The following NOTCH2 variants were observed in gnomAD, a reference collection of about 807,000 sequenced individuals.
NOTCH2 encodes the protein neurogenic locus notch homolog protein 2.
Under a neutral mutation model 235.8 loss-of-function variants are expected in NOTCH2, and 29 were observed. The observed-to-expected ratio is 0.12, with a 90% CI of 0.09 to 0.17. The LOEUF (loss-of-function observed/expected upper bound fraction) is 0.17. Among genes scored for constraint, NOTCH2 ranks in the 10% least tolerant of loss-of-function variants. The pLI is 1.00. For synonymous variants in NOTCH2, 1,086 were observed against 1,141.5 expected, an observed-to-expected ratio of 0.95 and a Z score of 0.98; for missense variants, 2,285 against 3,150.2, an observed-to-expected ratio of 0.73 and a Z score of 6.57.
At position 119,915,651 on chromosome 1, in the gene NOTCH2, C is replaced by T. The variant is rs2101141972; in HGVS notation, c.7071G>A (p.Met2357Ile). ...RLPSVAFPTA[M>I]MPQQDGQVAQ... The stretch of plus-strand genomic sequence containing the variant: ...CTACCTGCCCGTCCTGCTGGGGCAT[C>T]ATGGCAGTGGGGAAAGCCACACTGG... Residue 2357 changes from methionine (M) to isoleucine (I), a missense_variant, in exon 34 of 34, where the codon ATG becomes ATA. By Grantham distance (10) the Met-to-Ile change is conservative (BLOSUM62 1). Transcript: ENST00000256646. 1 of 1,614,030 alleles carries T rather than the reference C, an allele frequency of 6.2e-7. No individual in the cohort carries two copies. The highest frequency in any genetic ancestry group is 8.5e-7 in the Non-Finnish European group (1 of 1,179,986).
At chr1:120,005,294 G>A (rs782030340) in intron 3 of NOTCH2, 35 bp downstream of exon 3, 3 of 1,613,988 alleles carry the variant, frequency 1.9e-6, no homozygotes, top group Middle Eastern at 1.7e-4. Context: ...ATCTGCTGAA[G>A]GTAGGAAACC....
intron 22 of NOTCH2, among the ~76,000 whole-genome samples, chr1:119,933,751 T>C (rs1553195438): frequency 6.6e-6 from 1 of 152,266 alleles, no homozygotes; most frequent in African/African-American, 2.4e-5. Flanking sequence ...ATTCTAGGAC[T>C]GGACATGTCT....
chr1:119,973,270 G>C lies in NOTCH2; in HGVS notation c.875-3526C>G, dbSNP rs1264586053. On this transcript the variant is annotated intron_variant, in intron 5 of 33. Transcript: ENST00000256646. ...TCTCCCTATTAAAATTCTATCAACT[G>C]GTTCTAAAATTCAGAATAGGAAAAA... Among the ~76,000 whole-genome samples, 3 of 152,040 alleles carry C rather than the reference G, an allele frequency of 2.0e-5. No individual in the cohort carries two copies. In the East Asian group the frequency reaches 5.8e-4, roughly 29 times the overall value.
At chr1:119,967,712 AG>A in intron 7 of NOTCH2, 91 bp from the exon 8 acceptor site, 1 of 1,121,580 alleles carries the variant, frequency 8.9e-7, no homozygotes, top group African/African-American at 1.5e-5. Flanking sequence ...TTATAGCATC[AG>A]GGCCAGGCCT....
intron 5 of NOTCH2, among the ~76,000 whole-genome samples, chr1:119,983,964 T>G (rs1200166602): frequency 1.3e-5 from 2 of 152,174 alleles, no homozygotes; most frequent in Non-Finnish European, 2.9e-5. Context: ...TTTTCTCACC[T>G]CACTACTCCA....
rs1649317658 is a variant in NOTCH2, at chr1:119,922,426, G to A, written c.5023C>T (p.Arg1675Cys). 6.2e-6 allele frequency: 10 copies of A among 1,612,824 alleles called. No individual in the cohort carries two copies. The highest frequency in any genetic ancestry group is 1.7e-4 in the Middle Eastern group (1 of 6,060). The change falls in exon 28 of 34, where the codon CGC becomes TGC. Residue 1675 changes from arginine to cysteine, a missense_variant. Physicochemically the swap from Arg to Cys is radical, Grantham distance 180 (BLOSUM62 -3). This residue lies in a region of NOTCH2 where 1,173 missense variants were observed against 1,515.3 expected (regional missense o/e 0.77). Coordinates refer to ENST00000256646, the MANE Select transcript of NOTCH2 (RefSeq NM_024408.4). ...GCAAGGAGATAGAGGAGCTGAGTGC[G>A]TTCTGGAGTCAGGGATTCACCTGAA... Reference protein sequence around the residue: ...SVVSESLTPERTQLLYLLAVA... With the variant: ...SVVSESLTPECTQLLYLLAVA...
chr1:120,060,470 T>TAA (rs1201050013), intron 1 of NOTCH2, among the ~76,000 whole-genome samples: 5 of 148,696 alleles, frequency 3.4e-5, no homozygotes, highest in South Asian at 2.1e-4. Flanking sequence ...TATATATATA[T>TAA]AAAAATAAAT....
chr1:119,978,481 C>T (rs1055088499), intron 5 of NOTCH2, among the ~76,000 whole-genome samples: 10 of 152,204 alleles, frequency 6.6e-5, no homozygotes, highest in Non-Finnish European at 1.3e-4. Context: ...TCAACAAAAA[C>T]TTCAAGAACT....
At position 119,914,468 on chromosome 1, in the gene NOTCH2, C is replaced by T. The variant is rs1648995575; in HGVS notation, c.*838G>A. ...AGAAAAACAACAAACTCACACCCTT[C>T]TTCCTGGTAAAGTTTATATGAAGAC... On this transcript the variant is annotated 3_prime_UTR_variant, in exon 34 of 34. Coordinates refer to ENST00000256646, the MANE Select transcript of NOTCH2 (RefSeq NM_024408.4). 4.3e-6 allele frequency: 1 copy of T among 233,336 alleles called. No individual in the cohort carries two copies. Among genetic ancestry groups the T allele is most frequent in the Non-Finnish European group, 8.5e-6 (1 of 118,112 alleles). 14.5% of individuals were successfully genotyped at this position (233,336 alleles called of 1,614,324 possible). A position where few individuals can be genotyped will look rare whatever the true frequency, so the allele number is the denominator to read the frequency against.
intron 2 of NOTCH2, among the ~76,000 whole-genome samples, chr1:120,014,336 A>G (rs1356873435): frequency 6.6e-6 from 1 of 152,250 alleles, no homozygotes; most frequent in Non-Finnish European, 1.5e-5. Context: ...AGGCCAAGGC[A>G]AGCAGATTGC....
Position 119,922,326 on chromosome 1 carries a change from G to A in NOTCH2, c.5123C>T (p.Ser1708Phe), listed in dbSNP as rs761415665. Residue 1708 changes from serine (S) to phenylalanine (F), a missense_variant, in exon 28 of 34, where the codon TCT becomes TTT. By Grantham distance (155) the Ser-to-Phe change is radical. Around this residue, in one of 6 missense-constraint regions of NOTCH2, gnomAD observed 1,173 missense variants for 1,515.3 expected, o/e 0.77. Coordinates refer to ENST00000256646, the MANE Select transcript of NOTCH2 (RefSeq NM_024408.4). ...AGTGAAACCTTCAGGCAGCCAGAGA[G>A]AGCCATGCTTACGCTTTCGTTTTGC... is the stretch of plus-strand genomic sequence containing the variant. ...IMAKRKRKHG[S>F]LWLPEGFTLR... 2.2e-5 allele frequency: 35 copies of A among 1,614,078 alleles called. No individual in the cohort carries two copies. In the Admixed American group the frequency reaches 5.7e-4, roughly 26 times the overall value.
intron 22 of NOTCH2, among the ~76,000 whole-genome samples, chr1:119,931,661 A>C (rs1553195134): frequency 6.6e-6 from 1 of 152,108 alleles, no homozygotes; most frequent in African/African-American, 2.4e-5. Flanking sequence ...ATCTCAAATC[A>C]TTATATATAT....
chr1:119,988,228 G>A (rs1370314910), intron 4 of NOTCH2, among the ~76,000 whole-genome samples: 1 of 152,078 alleles, frequency 6.6e-6, no homozygotes, highest in Non-Finnish European at 1.5e-5. Context: ...ATAAGTTACT[G>A]TGGCATTCTA....
At position 119,922,771 on chromosome 1, in the gene NOTCH2, C is replaced by G; in HGVS notation, c.4867G>C (p.Val1623Leu). ...TGGCGGTTGTCAATTTCCAGAAAGA[C>G]TTTAGAGCTGTGGGATGCCAAGGGA... is the stretch of plus-strand genomic sequence containing the variant. ...EQEQEVAGSK[V>L]FLEIDNRQCV... Residue 1623 changes from valine to leucine, a missense_variant, in exon 27 of 34, where the codon GTC becomes CTC. Val to Leu is a conservative substitution (Grantham distance 32, BLOSUM62 1). Coordinates refer to ENST00000256646, the MANE Select transcript of NOTCH2 (RefSeq NM_024408.4). The G allele has an allele frequency of 6.2e-7, 1 of 1,614,138 alleles. No homozygotes were observed. The highest frequency in any genetic ancestry group is 1.7e-4 in the Middle Eastern group (1 of 6,046).
At position 119,941,721 on chromosome 1, in the gene NOTCH2, C is replaced by A; in HGVS notation, c.2786G>T (p.Gly929Val). ...PCQNGGSCMD[G>V]VNTFSCLCLP... ...GCAGAGGCAGGAGAAAGTATTCACT[C>A]CATCCATACAGGAACCTCCATTCTG... Residue 929 changes from glycine (G) to valine (V), a missense_variant, in exon 18 of 34, where the codon GGA becomes GTA. Gly to Val is a moderately radical substitution (Grantham distance 109). Around this residue, in one of 6 missense-constraint regions of NOTCH2, gnomAD observed 1,173 missense variants for 1,515.3 expected, o/e 0.77. Coordinates refer to ENST00000256646, the MANE Select transcript of NOTCH2 (RefSeq NM_024408.4). The A allele has an allele frequency of 5.6e-6, 9 of 1,614,092 alleles. No homozygotes were observed. Among genetic ancestry groups the A allele is most frequent in the Non-Finnish European group, 7.6e-6 (9 of 1,179,956 alleles).
At chr1:119,999,964 A>C (rs1255369886) in intron 3 of NOTCH2, among the ~76,000 whole-genome samples, 3 of 127,018 alleles carry the variant, frequency 2.4e-5, no homozygotes, top group Non-Finnish European at 4.8e-5. Context: ...AGAAAGAAAG[A>C]AAGAAAGAAA....
At position 120,037,788 on chromosome 1, in the gene NOTCH2, C is replaced by T. The variant is rs1228189951; in HGVS notation, c.74-7801G>A. Among the ~76,000 whole-genome samples the T allele has an allele frequency of 6.1e-4, 92 of 151,628 alleles. 1 individual carries two copies. The highest frequency in any genetic ancestry group is 2.1e-3 in the African/African-American group (87 of 41,438). On this transcript the variant is annotated intron_variant, in intron 1 of 33. Transcript: ENST00000256646. ...TATCATATAGAAAGTGTGTTTTCTA[C>T]CTAAGAGATGCTAGTATCAGATCCA...
chr1:119,915,320 G>GC lies in NOTCH2; in HGVS notation c.7401dup (p.Gln2468AlafsTer15). The GC allele has an allele frequency of 6.2e-7, 1 of 1,613,546 alleles. No individual in the cohort carries two copies. The highest frequency in any genetic ancestry group is 8.5e-7 in the Non-Finnish European group (1 of 1,180,018). ...GGTGGACTCTCTCACGCATAAACCT[G>GC]CATGTTGTTGTGTGGTGGCTCAGAC... On this transcript the variant is annotated frameshift_variant, in exon 34 of 34. Coordinates refer to ENST00000256646, the MANE Select transcript of NOTCH2 (RefSeq NM_024408.4). LOFTEE classifies it high-confidence loss of function.
intron 5 of NOTCH2, among the ~76,000 whole-genome samples, chr1:119,971,544 G>A (rs1323568121): frequency 6.6e-6 from 1 of 152,152 alleles, no homozygotes; most frequent in African/African-American, 2.4e-5. Flanking sequence ...CAGAGAGCCA[G>A]GCACAGTGGC....
Sources: allele counts gnomAD v4.1 joint callset (sites outside exome capture counted in the v4.1 genomes callset), GRCh38; gene constraint gnomAD v4.1.1; regional missense constraint gnomAD v4.1.1; transcripts MANE v1.5; gene names NCBI Gene and HGNC (gene_info 2026-07-23, HGNC 2026-07-21).